The following ADGRL2 variants were observed in gnomAD, a reference collection of about 807,000 sequenced individuals.
ADGRL2 encodes adhesion G protein-coupled receptor L2, also known as calcium-independent alpha-latrotoxin receptor 2.
ADGRL2 carries 44 observed loss-of-function variants against 157.4 expected under a neutral mutation model. The ratio of observed to expected loss-of-function variants is 0.28; its 90% confidence interval spans 0.22 to 0.36. The LOEUF is 0.36. ADGRL2 is among the 10% of genes least tolerant of loss of function. The pLI, the probability that ADGRL2 is intolerant of heterozygous loss-of-function variation, is 1.00. For synonymous variants in ADGRL2, 585 were observed against 624.7 expected (o/e 0.94, Z 0.95); for missense variants, 1,510 against 1,768.9 (o/e 0.85, Z 2.63).
chr1:81,910,602 A>C (rs1476118987), intron 3 of ADGRL2, among the ~76,000 whole-genome samples: 1 of 151,224 alleles, frequency 6.6e-6, no homozygotes, highest in Admixed American at 6.6e-5. Context: ...TCTGTATTAG[A>C]TACGAGACAC....
chr1:81,844,288 G>A (rs1263905408), intron 2 of ADGRL2, among the ~76,000 whole-genome samples: 1 of 152,106 alleles, frequency 6.6e-6, no homozygotes, highest in African/African-American at 2.4e-5. Flanking sequence ...AAAAGCACAG[G>A]AGGCATTTAA....
intron 1 of ADGRL2, among the ~76,000 whole-genome samples, chr1:81,405,449 C>A (rs904865322): frequency 1.3e-5 from 2 of 151,848 alleles, no homozygotes; most frequent in African/African-American, 2.4e-5. Context: ...GGGAGGATTG[C>A]GTGAGCCCAG....
chr1:81,343,763 C>A (rs1662261654), intron 1 of ADGRL2, among the ~76,000 whole-genome samples: 1 of 152,122 alleles, frequency 6.6e-6, no homozygotes, highest in African/African-American at 2.4e-5. Flanking sequence ...AGAGCATACA[C>A]TGGTGCTTCC....
chr1:81,493,630 T>C (rs1557732985), intron 2 of ADGRL2, among the ~76,000 whole-genome samples: 2 of 152,130 alleles, frequency 1.3e-5, no homozygotes, highest in Admixed American at 6.5e-5. Context: ...AACACATCAG[T>C]GAAGTAATTT....
intron 2 of ADGRL2, among the ~76,000 whole-genome samples, chr1:81,777,275 G>A (rs913734648): frequency 2.6e-5 from 4 of 152,074 alleles, no homozygotes; most frequent in Non-Finnish European, 5.9e-5. Context: ...TTCTTCTTTT[G>A]TTTGTTGTTT....
chr1:81,663,691 C>A (rs535857288), intron 3 of ADGRL2, among the ~76,000 whole-genome samples: 42 of 152,134 alleles, frequency 2.8e-4, no homozygotes, highest in Non-Finnish European at 4.7e-4. Flanking sequence ...AGGGAATGAG[C>A]AGGTGGTGAC....
At chr1:81,639,761 A>G (rs1332245001) in intron 3 of ADGRL2, among the ~76,000 whole-genome samples, 4 of 152,128 alleles carry the variant, frequency 2.6e-5, no homozygotes, top group African/African-American at 7.2e-5. Context: ...GTAAAAATAT[A>G]TGAGACAAAC....
At chr1:81,532,806 G>T (rs2079633105) in intron 2 of ADGRL2, among the ~76,000 whole-genome samples, 1 of 152,038 alleles carries the variant, frequency 6.6e-6, no homozygotes. Flanking sequence ...TGTGGTCCCA[G>T]CCACTCGGGA....
intron 2 of ADGRL2, among the ~76,000 whole-genome samples, chr1:81,860,255 G>C (rs752132091): frequency 6.6e-6 from 1 of 151,926 alleles, no homozygotes; most frequent in Admixed American, 6.6e-5. Context: ...AAAAACACTT[G>C]ACTGGTATTC....
At chr1:81,762,161 T>C (rs981801212) in intron 2 of ADGRL2, among the ~76,000 whole-genome samples, 2 of 152,134 alleles carry the variant, frequency 1.3e-5, no homozygotes, top group Admixed American at 6.5e-5. Flanking sequence ...TACACAGATA[T>C]AGAAATAAAT....
intron 3 of ADGRL2, among the ~76,000 whole-genome samples, chr1:81,686,841 T>A (rs1193593599): frequency 6.6e-6 from 1 of 152,190 alleles, no homozygotes; most frequent in Non-Finnish European, 1.5e-5. Context: ...GTATCATAAT[T>A]GTCATTCAGT....
chr1:81,527,232 G>T (rs754474671), intron 2 of ADGRL2, among the ~76,000 whole-genome samples: 1 of 152,096 alleles, frequency 6.6e-6, no homozygotes, highest in Non-Finnish European at 1.5e-5. Context: ...TTGTCACATA[G>T]ACTTCCTCAA....
At chr1:81,958,257 C>CA (rs550256278) in intron 11 of ADGRL2, among the ~76,000 whole-genome samples, 64 of 111,674 alleles carry the variant, frequency 5.7e-4, no homozygotes, top group Non-Finnish European at 6.0e-4. Flanking sequence ...GACTTTGTCT[C>CA]AAAAAAAAAA....
intron 2 of ADGRL2, among the ~76,000 whole-genome samples, chr1:81,571,433 G>GTA (rs1411505942): frequency 6.8e-6 from 1 of 147,876 alleles, no homozygotes; most frequent in Non-Finnish European, 1.5e-5. Context: ...ATGTGTGTGT[G>GTA]TGTATATATA....
chr1:81,622,866 G>A (rs2081827216), intron 3 of ADGRL2, among the ~76,000 whole-genome samples: 1 of 152,132 alleles, frequency 6.6e-6, no homozygotes, highest in South Asian at 2.1e-4. Context: ...ATTCTGACAT[G>A]ATATTTCATT....
intron 1 of ADGRL2, among the ~76,000 whole-genome samples, chr1:81,744,801 G>A (rs1199141153): frequency 6.6e-6 from 1 of 152,186 alleles, no homozygotes; most frequent in Non-Finnish European, 1.5e-5. Flanking sequence ...TTCTTTTGCT[G>A]TGTATATTTT....
intron 3 of ADGRL2, among the ~76,000 whole-genome samples, chr1:81,927,303 G>A (rs1166204740): frequency 6.6e-6 from 1 of 151,852 alleles, no homozygotes; most frequent in Non-Finnish European, 1.5e-5. Flanking sequence ...TCAGTCAAAT[G>A]GATTTATGTT....
intron 1 of ADGRL2, among the ~76,000 whole-genome samples, chr1:81,751,793 TATC>T (rs1357547595): frequency 6.6e-5 from 10 of 152,234 alleles, no homozygotes; most frequent in Non-Finnish European, 1.2e-4. Flanking sequence ...ATAAGTATCA[TATC>T]ATGTTGACAC....
intron 3 of ADGRL2, among the ~76,000 whole-genome samples, chr1:81,594,681 G>A (rs560460909): frequency 5.3e-5 from 8 of 152,224 alleles, no homozygotes; most frequent in Admixed American, 1.3e-4. Flanking sequence ...CACCTATTAC[G>A]TGTCTTCTTG....
Sources: allele counts gnomAD v4.1 joint callset (sites outside exome capture counted in the v4.1 genomes callset), GRCh38; gene constraint gnomAD v4.1.1; transcripts MANE v1.5; gene names NCBI Gene and HGNC (gene_info 2026-07-23, HGNC 2026-07-21).